The following SGMS1 variants were observed in gnomAD, a reference collection of about 807,000 sequenced individuals.
SGMS1 encodes sphingomyelin synthase 1, also known as phosphatidylcholine:ceramide cholinephosphotransferase 1.
A neutral mutation model predicts 46.2 loss-of-function variants in SGMS1; 13 were observed. The observed-to-expected ratio is 0.28, with a 90% CI of 0.18 to 0.45. The LOEUF is 0.45. Ranked by LOEUF, SGMS1 falls within the 20% of genes least tolerant of loss-of-function variation. The pLI is 1.00. For synonymous variants in SGMS1, 203 were observed against 187.8 expected (o/e 1.08, Z -0.66); for missense variants, 324 against 519.9 (o/e 0.62, Z 3.66).
intron 1 of SGMS1, among the ~76,000 whole-genome samples, chr10:50,610,133 G>A (rs1336801576): frequency 1.3e-5 from 2 of 152,076 alleles, no homozygotes; most frequent in African/African-American, 4.8e-5. Context: ...TGATGCCAGC[G>A]GTATCATTTT....
At chr10:50,314,164 T>C (rs10825665) in intron 8 of SGMS1, among the ~76,000 whole-genome samples, 26,565 of 151,994 alleles carry the variant, frequency 0.17, 2,771 homozygotes, top group Middle Eastern at 0.26. Context: ...GCATAAATTC[T>C]GTCAAACAAA....
chr10:50,417,576 C>T (rs1009033865), intron 6 of SGMS1, among the ~76,000 whole-genome samples: 5 of 152,196 alleles, frequency 3.3e-5, no homozygotes, highest in Non-Finnish European at 7.3e-5. Flanking sequence ...GCACGTGCAT[C>T]CTTGTGGCAC....
At chr10:50,518,728 A>AT (rs1837831418) in intron 3 of SGMS1, among the ~76,000 whole-genome samples, 1 of 152,214 alleles carries the variant, frequency 6.6e-6, no homozygotes, top group Non-Finnish European at 1.5e-5. Context: ...CACAATGAAA[A>AT]TATTTGTGCC....
chr10:50,376,152 A>G (rs1848518593), intron 6 of SGMS1, among the ~76,000 whole-genome samples: 1 of 152,202 alleles, frequency 6.6e-6, no homozygotes, highest in African/African-American at 2.4e-5. Context: ...GGCAGTTAAC[A>G]ATGTACCACA....
At chr10:50,435,780 A>G (rs1390271011) in intron 5 of SGMS1, among the ~76,000 whole-genome samples, 5 of 152,222 alleles carry the variant, frequency 3.3e-5, no homozygotes, top group Admixed American at 6.5e-5. Flanking sequence ...ACAAAAAAAT[A>G]CAAGATTCAC....
intron 6 of SGMS1, among the ~76,000 whole-genome samples, chr10:50,354,199 G>A (rs187911310): frequency 0.12 from 17,795 of 146,156 alleles, 1,172 homozygotes; most frequent in Middle Eastern, 0.18. Context: ...TATACTACAA[G>A]GCTACAGTAA....
intron 1 of SGMS1, chr10:50,590,735 GGTGAGAACACA>G (rs1838532788): frequency 6.6e-6 from 1 of 152,018 alleles, no homozygotes. Flanking sequence ...GTGTGTGTGT[GGTGAGAACACA>G]TAAGGTCTAC....
intron 6 of SGMS1, among the ~76,000 whole-genome samples, chr10:50,371,627 C>A (rs1441031394): frequency 6.6e-6 from 1 of 152,202 alleles, no homozygotes; most frequent in African/African-American, 2.4e-5. Context: ...CCACCTAGAA[C>A]ACCTCCACCC....
intron 7 of SGMS1, chr10:50,341,116 G>A: frequency 3.0e-6 from 1 of 332,116 alleles, no homozygotes; most frequent in South Asian, 2.5e-5. Context: ...ATAACCAGAA[G>A]GATCAATTTC....
chr10:50,408,445 A>AT (rs1361669871), intron 6 of SGMS1, among the ~76,000 whole-genome samples: 3 of 146,874 alleles, frequency 2.0e-5, no homozygotes, highest in South Asian at 2.1e-4. Flanking sequence ...AAAAAAAAAA[A>AT]AAAAAAAAAA....
chr10:50,391,660 T>C (rs1256464976), intron 6 of SGMS1, among the ~76,000 whole-genome samples: 1 of 152,058 alleles, frequency 6.6e-6, no homozygotes, highest in Non-Finnish European at 1.5e-5. Flanking sequence ...AGTAATCCCA[T>C]TATTGGGTAT....
chr10:50,320,325 T>C (rs574314081), intron 8 of SGMS1, among the ~76,000 whole-genome samples: 3 of 152,332 alleles, frequency 2.0e-5, no homozygotes, highest in South Asian at 2.1e-4. Flanking sequence ...TATAAGACAT[T>C]AGGCTGGTCA....
chr10:50,441,207 G>A (rs935003302), intron 5 of SGMS1, among the ~76,000 whole-genome samples: 25 of 152,354 alleles, frequency 1.6e-4, no homozygotes, highest in African/African-American at 5.3e-4. Flanking sequence ...TGGAGGAGAA[G>A]TTAATTATGT....
intron 2 of SGMS1, among the ~76,000 whole-genome samples, chr10:50,539,212 CCT>C (rs763270070): frequency 1.3e-5 from 2 of 152,194 alleles, no homozygotes; most frequent in South Asian, 2.1e-4. Flanking sequence ...AGATCTGACC[CCT>C]GTCTAGTTCC....
At chr10:50,571,860 T>C (rs936346822) in intron 2 of SGMS1, among the ~76,000 whole-genome samples, 17 of 151,714 alleles carry the variant, frequency 1.1e-4, no homozygotes, top group South Asian at 2.1e-4. Context: ...GTAAGAAAAA[T>C]AGGAGTTTAG....
intron 1 of SGMS1, chr10:50,590,776 A>G (rs189180014): frequency 6.6e-6 from 1 of 152,324 alleles, no homozygotes; most frequent in Non-Finnish European, 1.5e-5. Flanking sequence ...AAATTCAAAT[A>G]TACATTATTA....
At chr10:50,601,801 T>C (rs1043396408) in intron 1 of SGMS1, among the ~76,000 whole-genome samples, 2 of 152,242 alleles carry the variant, frequency 1.3e-5, no homozygotes, top group Non-Finnish European at 2.9e-5. Context: ...TATTTGCATA[T>C]ACCTAATGAG....
intron 5 of SGMS1, among the ~76,000 whole-genome samples, chr10:50,454,050 C>CAAAAAAAAAAAAAAAAAA (rs71846628): frequency 2.9e-4 from 28 of 97,966 alleles, no homozygotes; most frequent in Admixed American, 3.5e-4. Context: ...TTTACATAGG[C>CAAAAAAAAAAAAAAAAAA]AAAAAAAAAA....
intron 1 of SGMS1, among the ~76,000 whole-genome samples, chr10:50,613,847 T>A (rs1183309291): frequency 6.6e-6 from 1 of 152,230 alleles, no homozygotes; most frequent in Non-Finnish European, 1.5e-5. Flanking sequence ...GCTATAATAA[T>A]AACTATTCAT....
Sources: gnomAD v4.1 joint callset for allele counts (sites outside exome capture counted in the v4.1 genomes callset) on GRCh38, gnomAD v4.1.1 for gene constraint, MANE v1.5 for transcripts, NCBI Gene and HGNC (gene_info 2026-07-23, HGNC 2026-07-21) for gene names.